Variants in SAMSN1 observed in about 807,000 individuals in gnomAD.
SAMSN1 encodes the protein SAM domain-containing protein SAMSN-1.
In SAMSN1, 31 loss-of-function variants were observed where a neutral mutation model predicts 42.0. The observed-to-expected ratio is 0.74, with a 90% CI of 0.55 to 1.00. The LOEUF is 1.00. Among genes scored for constraint, SAMSN1 ranks in the 50% least tolerant of loss-of-function variants. The pLI is 0.00. For synonymous variants in SAMSN1, 178 were observed against 151.9 expected (o/e 1.17, Z -1.26); for missense variants, 464 against 439.4 (o/e 1.06, Z -0.50).
At chr21:14,659,154 G>A (rs79386923), upstream of SAMSN1, among the ~76,000 whole-genome samples, 1,089 of 151,962 alleles carry the variant, frequency 7.2e-3, 13 homozygotes, top group African/African-American at 0.025. Context: ...AAAGTGGTAG[G>A]TCAAGGGTCC....
Position 14,636,535 on chromosome 21 carries a change from A to G in SAMSN1, c.156+6467T>C, listed in dbSNP as rs147829044. Reference sequence around the variant, plus strand: ...TCATTGGTAAATGGATGTGTTTCCTATAATTTTATCTCTAAGGATATAACT... The same window carrying G: ...TCATTGGTAAATGGATGTGTTTCCTGTAATTTTATCTCTAAGGATATAACT... On this transcript the variant is annotated intron_variant, in intron 2 of 15. Transcript: ENST00000647101. Among the ~76,000 whole-genome samples, 187 of 152,280 alleles carry G rather than the reference A, an allele frequency of 1.2e-3. 3 individuals carry two copies. The highest frequency in any genetic ancestry group is 5.0e-4 in the Non-Finnish European group (34 of 68,016).
intron 2 of SAMSN1, among the ~76,000 whole-genome samples, chr21:14,520,841 C>T (rs1036475063): frequency 6.6e-6 from 1 of 151,732 alleles, no homozygotes; most frequent in Admixed American, 6.6e-5. Flanking sequence ...AAGGTAGGAG[C>T]CTGCTAGCAG....
At chr21:14,562,042 T>C (rs1431718660) in intron 2 of SAMSN1, among the ~76,000 whole-genome samples, 2 of 152,254 alleles carry the variant, frequency 1.3e-5, no homozygotes, top group Non-Finnish European at 2.9e-5. Context: ...CCACCCAGTT[T>C]GTATGACTTT....
intron 4 of SAMSN1, among the ~76,000 whole-genome samples, chr21:14,511,419 T>A (rs1987683960): frequency 6.6e-6 from 1 of 152,220 alleles, no homozygotes; most frequent in Admixed American, 6.5e-5. Flanking sequence ...TATAGAGTTT[T>A]TAAACTTCCA....
In SAMSN1 at chr21:14,641,977, T is replaced by C. The variant is rs117408745; in HGVS notation, c.156+1025A>G. Among the ~76,000 whole-genome samples the C allele has an allele frequency of 7.7e-4, 117 of 152,348 alleles. 3 individuals are homozygous for C. The East Asian group carries it at 0.019, about 25-fold the overall frequency. On this transcript the variant is annotated intron_variant, in intron 2 of 15. Transcript: ENST00000647101. ...GTTGTATGTTATATGTATTATATAC[T>C]GTGTTCTTACAAGTAAGTAAGCTAG...
chr21:14,569,987 C>CTT (rs1195822963), intron 2 of SAMSN1, among the ~76,000 whole-genome samples: 3 of 151,290 alleles, frequency 2.0e-5, no homozygotes, highest in African/African-American at 7.3e-5. Context: ...ACCACTTTCC[C>CTT]CCCCCCCAGT....
chr21:14,485,305 A>C lies in SAMSN1; in HGVS notation c.*607T>G, dbSNP rs1224968385. On this transcript the variant is annotated 3_prime_UTR_variant, in exon 8 of 8. Coordinates refer to ENST00000400566, the MANE Select transcript of SAMSN1 (RefSeq NM_022136.5). Reference sequence around the variant, plus strand: ...TAAAATATTTACACTTAAAGACAAAACATTTCCACAATTATTACAATTGGT... The same window carrying C: ...TAAAATATTTACACTTAAAGACAAACCATTTCCACAATTATTACAATTGGT... 1 of 152,260 alleles carries C rather than the reference A, an allele frequency of 6.6e-6. No individual in the cohort carries two copies. The highest frequency in any genetic ancestry group is 1.9e-4 in the East Asian group (1 of 5,204). 9.4% of individuals were successfully genotyped at this position (152,260 alleles called of 1,614,324 possible). A position where few individuals can be genotyped will look rare whatever the true frequency, so the allele number is the denominator to read the frequency against.
chr21:14,492,213 A>G (rs1292078232), intron 7 of SAMSN1, among the ~76,000 whole-genome samples: 1 of 151,398 alleles, frequency 6.6e-6, no homozygotes, highest in Non-Finnish European at 1.5e-5. Flanking sequence ...TTAAACTTTG[A>G]TTGTGTTTCA....
chr21:14,639,389 A>C (rs1237552517), intron 2 of SAMSN1, among the ~76,000 whole-genome samples: 1 of 152,176 alleles, frequency 6.6e-6, no homozygotes, highest in Non-Finnish European at 1.5e-5. Flanking sequence ...AAAAGGGCAA[A>C]AGAGGGCAAA....
intron 1 of SAMSN1, among the ~76,000 whole-genome samples, chr21:14,645,619 C>T (rs1264060744): frequency 6.6e-6 from 1 of 152,178 alleles, no homozygotes. Flanking sequence ...AGAACATCTA[C>T]TAGCATCAAC....
At chr21:14,522,713 G>A (rs972301707) in intron 1 of SAMSN1, among the ~76,000 whole-genome samples, 1 of 152,018 alleles carries the variant, frequency 6.6e-6, no homozygotes, top group Non-Finnish European at 1.5e-5. Context: ...ACTTCTAATG[G>A]TAAACACTGA....
intron 2 of SAMSN1, among the ~76,000 whole-genome samples, chr21:14,638,529 T>C (rs1353519187): frequency 6.6e-6 from 1 of 152,174 alleles, no homozygotes; most frequent in Admixed American, 6.5e-5. Context: ...ACTGTCTCCT[T>C]TATTTTTGTT....
chr21:14,657,623 T>C (rs1378120642), intron 1 of SAMSN1, among the ~76,000 whole-genome samples: 1 of 151,864 alleles, frequency 6.6e-6, no homozygotes, highest in Admixed American at 6.6e-5. Context: ...TATATTCATA[T>C]AAACCACATA....
At chr21:14,540,662 G>C (rs1359079120) in intron 1 of SAMSN1, among the ~76,000 whole-genome samples, 1 of 152,164 alleles carries the variant, frequency 6.6e-6, no homozygotes, top group East Asian at 1.9e-4. Context: ...TGGAGAAATA[G>C]GAACACATTT....
At chr21:14,522,376 C>T (rs921019763) in intron 1 of SAMSN1, among the ~76,000 whole-genome samples, 3 of 152,108 alleles carry the variant, frequency 2.0e-5, no homozygotes, top group Admixed American at 2.0e-4. Context: ...TCTTTGTGTA[C>T]TCATAAATCC....
At chr21:14,505,566 T>C (rs1054568366) in intron 5 of SAMSN1, among the ~76,000 whole-genome samples, 5 of 152,174 alleles carry the variant, frequency 3.3e-5, no homozygotes, top group Admixed American at 2.6e-4. Flanking sequence ...TAAACATGTA[T>C]GCACCTAACA....
At chr21:14,528,882 C>T (rs1387949200) in intron 1 of SAMSN1, among the ~76,000 whole-genome samples, 1 of 152,114 alleles carries the variant, frequency 6.6e-6, no homozygotes, top group Non-Finnish European at 1.5e-5. Flanking sequence ...AAACTCCATG[C>T]CATGCTATTT....
At chr21:14,552,795 G>A (rs1980642875) in intron 2 of SAMSN1, among the ~76,000 whole-genome samples, 1 of 152,034 alleles carries the variant, frequency 6.6e-6, no homozygotes, top group South Asian at 2.1e-4. Flanking sequence ...TTTCTAAAGA[G>A]CGTTTATTAT....
At chr21:14,499,806 T>G (rs1464202873) in intron 6 of SAMSN1, among the ~76,000 whole-genome samples, 1 of 152,126 alleles carries the variant, frequency 6.6e-6, no homozygotes, top group Non-Finnish European at 1.5e-5. Flanking sequence ...AACTAGATAA[T>G]TCAGAAAAAA....
Sources: gnomAD v4.1 joint callset for allele counts (sites outside exome capture counted in the v4.1 genomes callset) on GRCh38, gnomAD v4.1.1 for gene constraint, MANE v1.5 for transcripts, NCBI Gene and HGNC (gene_info 2026-07-23, HGNC 2026-07-21) for gene names.